CCT3: variants seen among roughly 807,000 people sequenced by gnomAD.
CCT3 encodes chaperonin containing TCP1 subunit 3, also known as T-complex protein 1 subunit gamma.
Under a neutral mutation model 65.3 loss-of-function variants are expected in CCT3, and 10 were observed. The observed-to-expected ratio is 0.15, with a 90% confidence interval of 0.09 to 0.26. The LOEUF is 0.26. Ranked by LOEUF, CCT3 falls within the 10% of genes least tolerant of loss-of-function variation. The pLI is 1.00. For missense variants in CCT3, 626 were observed against 708.7 expected (o/e 0.88, Z 1.33); for synonymous variants, 225 against 242.3 (o/e 0.93, Z 0.66).
intron 6 of CCT3, among the ~76,000 whole-genome samples, chr1:156,324,682 C>T (rs1664726060): frequency 6.6e-6 from 1 of 152,098 alleles, no homozygotes; most frequent in Non-Finnish European, 1.5e-5. Context: ...GGCTGGAGCA[C>T]AGTGGGGCCA....
At chr1:156,328,275 G>T (rs1390828664) in intron 5 of CCT3, among the ~76,000 whole-genome samples, 1 of 149,258 alleles carries the variant, frequency 6.7e-6, no homozygotes, top group East Asian at 2.0e-4. Context: ...CCATCCGGGA[G>T]GTGAGGGGCG....
chr1:156,323,390 CAT>C (rs565375819), intron 6 of CCT3, among the ~76,000 whole-genome samples: 1 of 151,082 alleles, frequency 6.6e-6, no homozygotes, highest in Non-Finnish European at 1.5e-5. Flanking sequence ...GTGACTCAAC[CAT>C]ATGAGTAGAA....
At chr1:156,319,149 G>C in intron 7 of CCT3, 132 bp from the exon 8 acceptor site, 1 of 721,376 alleles carries the variant, frequency 1.4e-6, no homozygotes, top group Non-Finnish European at 2.1e-6. Context: ...GTCTCGCTCT[G>C]TCGCTCAGGC....
At chr1:156,327,253 G>C (rs1202428262) in intron 5 of CCT3, among the ~76,000 whole-genome samples, 1 of 152,052 alleles carries the variant, frequency 6.6e-6, no homozygotes, top group Non-Finnish European at 1.5e-5. Flanking sequence ...TTTTAAAAAT[G>C]TACATAGCCT....
chr1:156,326,022 C>T (rs1014217312), intron 5 of CCT3, among the ~76,000 whole-genome samples: 2 of 152,102 alleles, frequency 1.3e-5, no homozygotes, highest in South Asian at 4.1e-4. Flanking sequence ...ACAAAACACA[C>T]AAAACCCTAC....
At chr1:156,317,035 A>AG (rs1221938714) in intron 10 of CCT3, 131 bp downstream of exon 10, 1 of 760,074 alleles carries the variant, frequency 1.3e-6, no homozygotes. Context: ...GAGGGCAGGC[A>AG]GCTAAGCCAA....
At chr1:156,310,215 G>C (rs1664022360) in intron 13 of CCT3, among the ~76,000 whole-genome samples, 1 of 151,934 alleles carries the variant, frequency 6.6e-6, no homozygotes, top group Non-Finnish European at 1.5e-5. Context: ...AGACCAGGCT[G>C]GGCATGGTGG....
chr1:156,317,203 G>T lies in CCT3; in HGVS notation c.937C>A (p.Arg313Ser). The change falls in exon 10 of 14, where the codon CGC (arginine) becomes AGC (serine). Residue 313 changes from arginine (R) to serine (S), a missense_variant. By Grantham distance (110) the Arg-to-Ser change is moderately radical. Coordinates refer to ENST00000295688, the MANE Select transcript of CCT3 (RefSeq NM_005998.5). ...YLMRANITAIRRVRKTDNNRI... is the reference protein window; with the variant it reads ...YLMRANITAISRVRKTDNNRI... ...TTATTGTCTGTCTTCCGGACTCTGC[G>T]GATGGCTGTGATATTGGCCCGCATA... The T allele has an allele frequency of 6.2e-7, 1 of 1,614,132 alleles. No individual in the cohort carries two copies. Among genetic ancestry groups the T allele is most frequent in the Non-Finnish European group, 8.5e-7 (1 of 1,180,014 alleles).
intron 10 of CCT3, among the ~76,000 whole-genome samples, chr1:156,313,364 G>GAAAAAAAAAAAAAAAAAAAAAAA (rs1664166143): frequency 1.3e-5 from 1 of 79,216 alleles, no homozygotes; most frequent in Non-Finnish European, 2.4e-5. Flanking sequence ...AAAAAAAAAA[G>GAAAAAAAAAAAAAAAAAAAAAAA]AGAGAGAGAG....
intron 5 of CCT3, among the ~76,000 whole-genome samples, chr1:156,331,431 C>A (rs538962652): frequency 5.9e-5 from 9 of 152,090 alleles, no homozygotes; most frequent in Non-Finnish European, 1.2e-4. Context: ...ACCTGTAATC[C>A]CAGTACTTTG....
Position 156,319,098 on chromosome 1 carries a change from A to G in CCT3, c.610-81T>C. The G allele has an allele frequency of 2.3e-6, 3 of 1,331,366 alleles. No homozygotes were observed. The South Asian group carries it at 4.2e-5, about 19-fold the overall frequency. 82.5% of individuals were successfully genotyped at this position (1,331,366 alleles called of 1,614,324 possible). On this transcript the variant is annotated intron_variant, in intron 7 of 13. Transcript: ENST00000295688. ...CCTTCCCAGATGTTCATCTTTCCCA[A>G]ACAGCTAGTGTTTCAGGTTTTTTTT...
chr1:156,334,689 A>G, intron 4 of CCT3, 24 bp downstream of exon 4: 3 of 1,611,350 alleles, frequency 1.9e-6, no homozygotes, highest in Non-Finnish European at 2.5e-6. Context: ...AAAGCAAAAA[A>G]ACAAAACCAA....
chr1:156,328,092 C>T (rs1476528590), intron 5 of CCT3, among the ~76,000 whole-genome samples: 3 of 128,544 alleles, frequency 2.3e-5, no homozygotes, highest in African/African-American at 8.7e-5. Context: ...GCCCCCCGCC[C>T]AGCCAGCCGC....
At chr1:156,336,628 G>T (rs1183270853) in intron 1 of CCT3, among the ~76,000 whole-genome samples, 1 of 152,184 alleles carries the variant, frequency 6.6e-6, no homozygotes, top group Non-Finnish European at 1.5e-5. Flanking sequence ...TAATGCCAGA[G>T]ATTAATGCAG....
chr1:156,335,574 AG>A (rs1228859635), intron 2 of CCT3: 1 of 419,726 alleles, frequency 2.4e-6, no homozygotes, highest in Non-Finnish European at 4.2e-6. Flanking sequence ...AAACACAAAT[AG>A]AATACTATAA....
intron 10 of CCT3, among the ~76,000 whole-genome samples, chr1:156,316,026 T>C (rs1664296961): frequency 7.2e-6 from 1 of 139,382 alleles, no homozygotes; most frequent in Non-Finnish European, 1.5e-5. Flanking sequence ...GGAAGGCGAA[T>C]AAACATGTAA....
chr1:156,320,737 A>C (rs1664516057), intron 7 of CCT3, 102 bp downstream of exon 7: 1 of 911,968 alleles, frequency 1.1e-6, no homozygotes, highest in Admixed American at 2.1e-5. Context: ...TGTCTCAAAA[A>C]CAAAACAAAA....
In CCT3 at chr1:156,317,641, T is replaced by TTG. The variant is rs1035465263; in HGVS notation, c.760-95_760-94insCA. On this transcript the variant is annotated intron_variant, in intron 8 of 13. Coordinates refer to ENST00000295688, the MANE Select transcript of CCT3 (RefSeq NM_005998.5). ...ACTCCTTCCACCCACCTCTCCCACG[T>TTG]ATCTCAGAGTCAGAATTATGTTAAA... 4 of 1,162,192 alleles carry TTG rather than the reference T, an allele frequency of 3.4e-6. No individual in the cohort carries two copies. The African/African-American group carries it at 6.2e-5, about 18-fold the overall frequency. 72.0% of individuals were successfully genotyped at this position (1,162,192 alleles called of 1,614,324 possible).
intron 2 of CCT3, 120 bp downstream of exon 2, chr1:156,335,707 T>G (rs1311751423): frequency 1.4e-6 from 1 of 738,682 alleles, no homozygotes; most frequent in Non-Finnish European, 2.3e-6. Flanking sequence ...AGAGGTCAAC[T>G]TTTCCTCTGC....
Sources: gnomAD v4.1 joint callset for allele counts (sites outside exome capture counted in the v4.1 genomes callset) on GRCh38, gnomAD v4.1.1 for gene constraint, MANE v1.5 for transcripts, NCBI Gene and HGNC (gene_info 2026-07-23, HGNC 2026-07-21) for gene names.